Variants in DGLUCY observed in about 807,000 individuals in gnomAD.
The protein encoded by DGLUCY is D-glutamate cyclase, also known as D-glutamate cyclase, mitochondrial.
A neutral mutation model predicts 58.5 loss-of-function variants in DGLUCY; 58 were observed. The observed-to-expected ratio is 0.99, with a 90% CI of 0.80 to 1.23. The LOEUF (loss-of-function observed/expected upper bound fraction) is 1.23, where lower values mean the gene tolerates loss of function less well. Among genes scored for constraint, DGLUCY ranks in the 50% most tolerant of loss-of-function variants. The probability of loss-of-function intolerance (pLI) is 0.00; values close to 1 mark genes in which losing one functional copy is unlikely to be tolerated. For missense variants in DGLUCY, 779 were observed against 784.7 expected, an observed-to-expected ratio of 0.99 and a Z score of 0.09; for synonymous variants, 325 against 314.1, an observed-to-expected ratio of 1.03 and a Z score of -0.37.
At chr14:91,223,679 G>T (rs2140810457) in intron 13 of DGLUCY, 1 of 1,287,746 alleles carries the variant, frequency 7.8e-7, no homozygotes, top group Admixed American at 2.3e-5. Flanking sequence ...TAACCAGCAG[G>T]AGAGCAAAGG....
At chr14:91,165,460 A>G (rs1045510330) in intron 3 of DGLUCY, 9 of 339,210 alleles carry the variant, frequency 2.7e-5, no homozygotes, top group African/African-American at 2.0e-4. Flanking sequence ...TGTGTTTACC[A>G]CCAAAGCCAA....
At chr14:91,202,224 A>G (rs1463788091) in intron 11 of DGLUCY, among the ~76,000 whole-genome samples, 3 of 152,080 alleles carry the variant, frequency 2.0e-5, no homozygotes, top group Admixed American at 6.6e-5. Context: ...GCAGCTAATT[A>G]GTGTTGCTGG....
intron 1 of DGLUCY, among the ~76,000 whole-genome samples, chr14:91,085,135 T>C (rs560813963): frequency 3.3e-5 from 5 of 151,708 alleles, no homozygotes; most frequent in African/African-American, 1.2e-4. Flanking sequence ...GGTAGGAGGA[T>C]TGCTTGAACC....
intron 5 of DGLUCY, among the ~76,000 whole-genome samples, chr14:91,172,066 ATTTTAT>A (rs1555401104): frequency 6.6e-6 from 1 of 151,310 alleles, no homozygotes; most frequent in African/African-American, 2.4e-5. Context: ...TCTTTATTTT[ATTTTAT>A]TTTTATTTTT....
At chr14:91,071,161 T>C (rs1218958045) in intron 1 of DGLUCY, among the ~76,000 whole-genome samples, 1 of 150,840 alleles carries the variant, frequency 6.6e-6, no homozygotes. Context: ...TGAAACCCCG[T>C]CTCTACTAAA....
chr14:91,147,671 GCATGAGAGGAT>G (rs1282945730), intron 1 of DGLUCY: 1 of 152,202 alleles, frequency 6.6e-6, no homozygotes, highest in Non-Finnish European at 1.5e-5. Flanking sequence ...TTTAGGCCTA[GCATGAGAGGAT>G]CAAGTTGAAA....
At chr14:91,118,393 CT>C (rs1214531847) in intron 1 of DGLUCY, among the ~76,000 whole-genome samples, 1 of 152,080 alleles carries the variant, frequency 6.6e-6, no homozygotes, top group African/African-American at 2.4e-5. Context: ...CTTATCAGGC[CT>C]TAAAAGGTGC....
chr14:91,182,925 T>TA (rs2049275019), intron 8 of DGLUCY, among the ~76,000 whole-genome samples: 3 of 150,428 alleles, frequency 2.0e-5, no homozygotes, highest in Middle Eastern at 6.9e-3. Flanking sequence ...TATTTTATTT[T>TA]TTATTTTATT....
intron 12 of DGLUCY, among the ~76,000 whole-genome samples, chr14:91,212,048 C>T (rs1325921452): frequency 1.3e-5 from 2 of 152,194 alleles, no homozygotes; most frequent in Non-Finnish European, 2.9e-5. Context: ...AGTGATCCAC[C>T]TGCCTCGGCC....
chr14:91,128,184 A>G (rs2045825123), intron 1 of DGLUCY, among the ~76,000 whole-genome samples: 1 of 152,006 alleles, frequency 6.6e-6, no homozygotes, highest in Non-Finnish European at 1.5e-5. Context: ...GATGTTAAGA[A>G]AGATCCAGGC....
At chr14:91,098,868 C>G (rs891464735) in intron 1 of DGLUCY, among the ~76,000 whole-genome samples, 2 of 152,208 alleles carry the variant, frequency 1.3e-5, no homozygotes, top group Non-Finnish European at 2.9e-5. Flanking sequence ...AGCGCAGCAA[C>G]AGTTAATGAA....
intron 11 of DGLUCY, among the ~76,000 whole-genome samples, chr14:91,200,209 C>A (rs1278816011): frequency 1.3e-5 from 2 of 152,208 alleles, no homozygotes; most frequent in Non-Finnish European, 2.9e-5. Context: ...CCCACCTCAG[C>A]CTCCCAAAGT....
intron 1 of DGLUCY, among the ~76,000 whole-genome samples, chr14:91,079,946 A>G (rs915943257): frequency 6.6e-6 from 1 of 152,162 alleles, no homozygotes; most frequent in African/African-American, 2.4e-5. Flanking sequence ...CGGACCCATT[A>G]AACAATAATA....
At chr14:91,085,153 T>C (rs930179880) in intron 1 of DGLUCY, among the ~76,000 whole-genome samples, 1 of 150,962 alleles carries the variant, frequency 6.6e-6, no homozygotes, top group Non-Finnish European at 1.5e-5. Context: ...ACCCAGGAGG[T>C]TGAGGCTTCA....
intron 1 of DGLUCY, among the ~76,000 whole-genome samples, chr14:91,064,084 G>C (rs892693629): frequency 5.9e-5 from 9 of 152,222 alleles, no homozygotes; most frequent in African/African-American, 1.9e-4. Flanking sequence ...AATGACACCA[G>C]TGTTTCTAGC....
chr14:91,209,648 T>C (rs12894403), intron 12 of DGLUCY, among the ~76,000 whole-genome samples: 69,600 of 151,514 alleles, frequency 0.46, 18,117 homozygotes, highest in East Asian at 0.69. Context: ...GCGGAGCTTG[T>C]AGTGAGCCAA....
chr14:91,095,750 C>G (rs1287357570), intron 1 of DGLUCY, among the ~76,000 whole-genome samples: 2 of 152,078 alleles, frequency 1.3e-5, no homozygotes, highest in African/African-American at 2.4e-5. Context: ...CCTTTATACA[C>G]CTCTTCAGTG....
intron 9 of DGLUCY, among the ~76,000 whole-genome samples, chr14:91,195,883 G>T (rs1370075369): frequency 6.6e-6 from 1 of 152,010 alleles, no homozygotes; most frequent in Non-Finnish European, 1.5e-5. Context: ...TGTTAGCCGG[G>T]ATGGTCTCAA....
intron 8 of DGLUCY, among the ~76,000 whole-genome samples, chr14:91,182,869 T>TC: frequency 6.6e-6 from 1 of 151,362 alleles, no homozygotes; most frequent in East Asian, 1.9e-4. Context: ...GCTGGTGGGA[T>TC]CCCCTAGGGG....
Sources: gnomAD v4.1 joint callset for allele counts (sites outside exome capture counted in the v4.1 genomes callset) on GRCh38, gnomAD v4.1.1 for gene constraint, MANE v1.5 for transcripts, NCBI Gene and HGNC (gene_info 2026-07-23, HGNC 2026-07-21) for gene names.